ADAMTSL2: variants seen among roughly 807,000 people sequenced by gnomAD.
ADAMTSL2 encodes the protein ADAMTS like 2.
Under a neutral mutation model 117.0 loss-of-function variants are expected in ADAMTSL2, and 55 were observed. The ratio of observed to expected loss-of-function variants is 0.47; its 90% confidence interval spans 0.38 to 0.59. The LOEUF is 0.59. Ranked by LOEUF, ADAMTSL2 falls within the 20% of genes least tolerant of loss-of-function variation. ADAMTSL2 has a pLI of 0.00. For synonymous variants in ADAMTSL2, 572 were observed against 566.4 expected (o/e 1.01, Z -0.14); for missense variants, 1,182 against 1,354.5 (o/e 0.87, Z 2.00).
chr9:133,544,036 T>C (rs1830289415), intron 7 of ADAMTSL2, among the ~76,000 whole-genome samples: 1 of 152,212 alleles, frequency 6.6e-6, no homozygotes, highest in Non-Finnish European at 1.5e-5. Context: ...CGTCTTTGAG[T>C]GTAGCTAGCC....
In ADAMTSL2 at chr9:133,554,650, C is replaced by T. The variant is rs922011097; in HGVS notation, c.1233C>T (p.Gly411=). Residue 411 remains glycine (G), a synonymous_variant, in exon 10 of 19, where the codon GGC becomes GGT. Transcript: ENST00000651351. This position sits in a 1 kb window ranked among gnomAD's most constrained non-coding sequence, Gnocchi z 5.2. The stretch of plus-strand genomic sequence containing the variant: ...CCAACGAGGTGTGCGAGCAGGCCGG[C>T]GGCGGGGCCTGCGAGGGGCCCCCCA... ...QETNEVCEQA[G]GGACEGPPRG... The T allele has an allele frequency of 4.1e-5, 63 of 1,526,088 alleles. No homozygotes were observed. In the African/African-American group the frequency reaches 6.6e-4, roughly 16 times the overall value. The allele number at this position is 1,526,088 out of a possible 1,614,324, so 94.5% of individuals were successfully genotyped here.
At position 133,539,869 on chromosome 9, in the gene ADAMTSL2, C is replaced by T. The variant is rs1830167590; in HGVS notation, c.408C>T (p.Tyr136=). 2 of 1,550,852 alleles carry T rather than the reference C, an allele frequency of 1.3e-6. No homozygotes were observed. Among genetic ancestry groups the T allele is most frequent in the Non-Finnish European group, 1.7e-6 (2 of 1,146,986 alleles). Residue 136 remains tyrosine (Y), a synonymous_variant, in exon 5 of 19, where the codon TAC becomes TAT. Transcript: ENST00000651351. The part of the protein sequence containing the change: ...NGRTHQWKPL[Y]PDDYVHISSK... The stretch of plus-strand genomic sequence containing the variant: ...GGACGCACCAGTGGAAGCCTCTGTA[C>T]CCGGGTACCTGCCGCCCTGGGGACC...
Position 133,544,683 on chromosome 9 carries a change from G to T in ADAMTSL2, c.763+133G>T, listed in dbSNP as rs529873211. ...ATGGACCAGTGCTGTGGGCATGGCT[G>T]CAGGAGCCAGAACTTGAGCCAGCTG... On this transcript the variant is annotated intron_variant, in intron 8 of 18. Transcript: ENST00000651351. 31 of 830,442 alleles carry T rather than the reference G, an allele frequency of 3.7e-5. No individual in the cohort carries two copies. In the African/African-American group the frequency reaches 5.2e-4, roughly 14 times the overall value. The allele number at this position is 830,442 out of a possible 1,614,324, so 51.4% of individuals were successfully genotyped here.
chr9:133,550,985 C>T (rs1162951991), intron 9 of ADAMTSL2, among the ~76,000 whole-genome samples: 1 of 152,156 alleles, frequency 6.6e-6, no homozygotes, highest in Admixed American at 6.5e-5. Flanking sequence ...TCCTCCAGAC[C>T]TCCTGGTCCC....
intron 8 of ADAMTSL2, 81 bp downstream of exon 8, chr9:133,544,631 C>A: frequency 8.4e-7 from 1 of 1,190,430 alleles, no homozygotes; most frequent in Non-Finnish European, 1.3e-6. Context: ...GGGCACTTGA[C>A]CCTGGACCCC....
Position 133,566,971 on chromosome 9 carries a change from G to A in ADAMTSL2, c.1783G>A (p.Asp595Asn). ...MSAYAMCVRYDGVEVDDSYCD... is the reference protein window; with the variant it reads ...MSAYAMCVRYNGVEVDDSYCD... ...TGCGTACGCCATGTGTGTCCGCTATGATGGCGTCGAGGTGGATGACAGCTA... is the reference window on the plus strand; with the variant it reads ...TGCGTACGCCATGTGTGTCCGCTATAATGGCGTCGAGGTGGATGACAGCTA... The change falls in exon 13 of 19, where the codon GAT (aspartate) becomes AAT (asparagine). Residue 595 changes from aspartate to asparagine, a missense_variant. Transcript: ENST00000651351. 1 of 1,610,832 alleles carries A rather than the reference G, an allele frequency of 6.2e-7. No individual in the cohort carries two copies. Among genetic ancestry groups the A allele is most frequent in the Non-Finnish European group, 8.5e-7 (1 of 1,179,074 alleles).
chr9:133,573,721 G>T, intron 17 of ADAMTSL2, 122 bp from the exon 18 acceptor site: 2 of 1,249,458 alleles, frequency 1.6e-6, no homozygotes, highest in Non-Finnish European at 2.3e-6. Flanking sequence ...TGTCAGTTGG[G>T]ACTCATGGCC....
chr9:133,553,004 C>G (rs1830521749), intron 9 of ADAMTSL2, among the ~76,000 whole-genome samples: 3 of 152,186 alleles, frequency 2.0e-5, no homozygotes, highest in African/African-American at 7.2e-5. Context: ...CAGGACTGCC[C>G]TGACTGGGCG....
At chr9:133,545,810 C>G (rs17150674) in intron 8 of ADAMTSL2, among the ~76,000 whole-genome samples, 69 of 152,160 alleles carry the variant, frequency 4.5e-4, no homozygotes, top group African/African-American at 1.6e-3. Context: ...ACGAGAGCCT[C>G]GGATTTAACC....
At chr9:133,543,771 T>C (rs1564496576) in intron 7 of ADAMTSL2, among the ~76,000 whole-genome samples, 2 of 152,184 alleles carry the variant, frequency 1.3e-5, no homozygotes, top group African/African-American at 2.4e-5. Context: ...AATCTCTCCT[T>C]CTCCCCAGGC....
In ADAMTSL2 at chr9:133,569,432, C is replaced by T. The variant is rs1831053495; in HGVS notation, c.2269C>T (p.Arg757Cys). The change falls in exon 16 of 19, where the codon CGC (arginine) becomes TGC (cysteine). Residue 757 changes from arginine to cysteine, a missense_variant. By Grantham distance (180) the Arg-to-Cys change is radical (BLOSUM62 -3). This residue lies in a region of ADAMTSL2 where 465 missense variants were observed against 565.3 expected (regional missense o/e 0.82). Coordinates refer to ENST00000651351, the MANE Select transcript of ADAMTSL2 (RefSeq NM_014694.4). Reference protein sequence around the residue: ...GPCSGSCGQGRTIRHVYCKTS... With the variant: ...GPCSGSCGQGCTIRHVYCKTS... ...GTGCAGTGGAAGCTGCGGGCAAGGC[C>T]GCACCATCAGGCACGTGTACTGCAA... 4 of 1,613,394 alleles carry T rather than the reference C, an allele frequency of 2.5e-6. No homozygotes were observed. Among genetic ancestry groups the T allele is most frequent in the African/African-American group, 2.7e-5 (2 of 74,936 alleles).
Position 133,570,395 on chromosome 9 carries a change from G to C in ADAMTSL2, c.2480G>C (p.Gly827Ala). ...RLVLCMELAN[G>A]KPQTRSGPEC... ...GTGCTCTGCATGGAGCTGGCCAACGGGAAGCCGCAGACGCGCAGTGGCCCC... is the reference window on the plus strand; with the variant it reads ...GTGCTCTGCATGGAGCTGGCCAACGCGAAGCCGCAGACGCGCAGTGGCCCC... The change falls in exon 17 of 19, where the codon GGG (glycine) becomes GCG (alanine). Residue 827 changes from glycine to alanine, a missense_variant. Transcript: ENST00000651351. The C allele has an allele frequency of 6.3e-7, 1 of 1,576,648 alleles. No homozygotes were observed. The highest frequency in any genetic ancestry group is 8.6e-7 in the Non-Finnish European group (1 of 1,162,584).
At chr9:133,539,651 G>C in intron 4 of ADAMTSL2, 120 bp from the exon 5 acceptor site, 2 of 84,950 alleles carry the variant, frequency 2.4e-5, no homozygotes, top group Non-Finnish European at 4.4e-5. Context: ...CGTGGCCCCC[G>C]CACGGCTGTC....
At position 133,540,638 on chromosome 9, in the gene ADAMTSL2, C is replaced by T. The variant is rs1588279542; in HGVS notation, c.453C>T (p.His151=). 6.2e-7 allele frequency: 1 copy of T among 1,613,614 alleles called. No homozygotes were observed. The highest frequency in any genetic ancestry group is 1.3e-5 in the African/African-American group (1 of 74,952). ...VHISSKPCDL[H]CTTVDGQRQL... The stretch of plus-strand genomic sequence containing the variant: ...TCTCCAGCAAACCGTGTGACCTGCA[C>T]TGTACCACCGTGGACGGCCAGCGGC... The change falls in exon 6 of 19, where the codon CAC becomes CAT. Residue 151 remains histidine (H), a synonymous_variant. Transcript: ENST00000651351.
intron 7 of ADAMTSL2, among the ~76,000 whole-genome samples, chr9:133,542,291 G>A (rs1830243664): frequency 6.6e-6 from 1 of 152,248 alleles, no homozygotes; most frequent in East Asian, 1.9e-4. Flanking sequence ...GTGTCCAGCA[G>A]GGCGAGGTGG....
At chr9:133,563,882 AGAGGGAGAGAGAGAGAGAAGGG>A in intron 12 of ADAMTSL2, among the ~76,000 whole-genome samples, 1 of 53,526 alleles carries the variant, frequency 1.9e-5, no homozygotes, top group East Asian at 4.2e-4. Flanking sequence ...AGAGAGAGAG[AGAGGGAGAGAGAGAGAGAAGGG>A]GAGAGAGAGA....
At chr9:133,561,388 GC>G in intron 12 of ADAMTSL2, 93 bp downstream of exon 12, 1 of 1,192,190 alleles carries the variant, frequency 8.4e-7, no homozygotes, top group Non-Finnish European at 1.2e-6. Context: ...CTAGCTTGCA[GC>G]CCCCAAACTG....
intron 17 of ADAMTSL2, among the ~76,000 whole-genome samples, chr9:133,572,134 C>T (rs1475582940): frequency 2.6e-5 from 4 of 152,072 alleles, no homozygotes; most frequent in South Asian, 2.1e-4. Flanking sequence ...CCAGGCTCCT[C>T]GTGCACGCTT....
In ADAMTSL2 at chr9:133,575,373, T is replaced by C; in HGVS notation, c.*509T>C. 5.8e-6 allele frequency: 1 copy of C among 171,602 alleles called. No homozygotes were observed. Among genetic ancestry groups the C allele is most frequent in the Non-Finnish European group, 1.3e-5 (1 of 79,146 alleles). The allele number at this position is 171,602 out of a possible 1,614,324, so 10.6% of individuals were successfully genotyped here. A position where few individuals can be genotyped will look rare whatever the true frequency, so the allele number is the denominator to read the frequency against. ...GGCGTGCTCCCTCTTATGGAGCCCC[T>C]CCCATGGAGCTCTCTTCCCGCCGCA... On this transcript the variant is annotated 3_prime_UTR_variant, in exon 19 of 19. Coordinates refer to ENST00000651351, the MANE Select transcript of ADAMTSL2 (RefSeq NM_014694.4).
Sources: allele counts gnomAD v4.1 joint callset (sites outside exome capture counted in the v4.1 genomes callset), GRCh38; gene constraint gnomAD v4.1.1; regional missense constraint gnomAD v4.1.1; non-coding constraint Gnocchi (gnomAD v3.1); transcripts MANE v1.5; gene names NCBI Gene and HGNC (gene_info 2026-07-23, HGNC 2026-07-21).